ARHGAP33: variants seen among roughly 807,000 people sequenced by gnomAD.
ARHGAP33 encodes the protein rho GTPase-activating protein 33.
ARHGAP33 carries 57 observed loss-of-function variants against 126.2 expected under a neutral mutation model. The ratio of observed to expected loss-of-function variants is 0.45; its 90% CI spans 0.36 to 0.56. The LOEUF (loss-of-function observed/expected upper bound fraction) is 0.56. Ranked by LOEUF, ARHGAP33 falls within the 20% of genes least tolerant of loss-of-function variation. The pLI, the probability that ARHGAP33 is intolerant of heterozygous loss-of-function variation, is 0.00. For synonymous variants in ARHGAP33, 711 were observed against 755.0 expected, an observed-to-expected ratio of 0.94 and a Z score of 0.95; for missense variants, 1,500 against 1,748.3, an observed-to-expected ratio of 0.86 and a Z score of 2.53.
Position 35,778,527 on chromosome 19 carries a change from C to CG in ARHGAP33, c.336dup (p.Cys113ValfsTer4). The CG allele has an allele frequency of 6.2e-7, 1 of 1,614,204 alleles. No homozygotes were observed. The highest frequency in any genetic ancestry group is 8.5e-7 in the Non-Finnish European group (1 of 1,180,038). On this transcript the variant is annotated frameshift_variant, in exon 5 of 21. Transcript: ENST00000007510. LOFTEE classifies it high-confidence loss of function. ...TCGTTCCCTGGATGCCCACCTCCACCGGTGCATATTTGACCGGAGGTTCTC... is the reference window on the plus strand; with the variant it reads ...TCGTTCCCTGGATGCCCACCTCCACCGGGTGCATATTTGACCGGAGGTTCTC...
At position 35,775,736 on chromosome 19, in the gene ARHGAP33, C is replaced by T. The variant is rs1255897491; in HGVS notation, c.6+72C>T. ...TGTCCGTGCGCAGCCCCGCCCCGCG[C>T]GCCCCGCCCCCGGCCCCGCCCGATC... On this transcript the variant is annotated intron_variant, in intron 1 of 20. Transcript: ENST00000007510. The T allele has an allele frequency of 3.5e-6, 5 of 1,410,146 alleles. No individual in the cohort carries two copies. In the South Asian group the frequency reaches 5.5e-5, roughly 15 times the overall value. 87.4% of individuals were successfully genotyped at this position (1,410,146 alleles called of 1,614,324 possible).
At chr19:35,784,885 C>T (rs1436943205) in intron 16 of ARHGAP33, 68 bp from the exon 17 acceptor site, 17 of 1,459,112 alleles carry the variant, frequency 1.2e-5, no homozygotes, top group Non-Finnish European at 1.3e-5. Context: ...TGGGCTGTGG[C>T]GCTTGGCTTT....
chr19:35,781,311 AG>A, intron 12 of ARHGAP33, 59 bp downstream of exon 12: 1 of 1,539,016 alleles, frequency 6.5e-7, no homozygotes. Context: ...CCTCCACTCC[AG>A]CCCCGTGCTG....
At position 35,785,693 on chromosome 19, in the gene ARHGAP33, T is replaced by C. The variant is rs1173999216; in HGVS notation, c.1942+210T>C. 1.1e-5 allele frequency: 15 copies of C among 1,415,550 alleles called. No homozygotes were observed. In the African/African-American group the frequency reaches 1.6e-4, roughly 15 times the overall value. The allele number at this position is 1,415,550 out of a possible 1,614,324, so 87.7% of individuals were successfully genotyped here. A position where few individuals can be genotyped will look rare whatever the true frequency, so the allele number is the denominator to read the frequency against. ...TGAACTTAACTTACTCATTGGTCCATGACGGGCCCTTTAAAAGTCTTTATT... is the reference window on the plus strand; with the variant it reads ...TGAACTTAACTTACTCATTGGTCCACGACGGGCCCTTTAAAAGTCTTTATT... On this transcript the variant is annotated intron_variant, in intron 19 of 20. Transcript: ENST00000007510.
chr19:35,784,667 C>T (rs933242678), intron 16 of ARHGAP33: 2 of 1,300,878 alleles, frequency 1.5e-6, no homozygotes, highest in Admixed American at 4.0e-5. Context: ...GACCCCAGCC[C>T]AGTCAGGACT....
chr19:35,776,850 G>A (rs1314826342), intron 1 of ARHGAP33, among the ~76,000 whole-genome samples: 1 of 152,222 alleles, frequency 6.6e-6, no homozygotes, highest in Non-Finnish European at 1.5e-5. Flanking sequence ...TCAGGGGATG[G>A]AGAGAGTCCA....
At position 35,780,943 on chromosome 19, in the gene ARHGAP33, C is replaced by T. The variant is rs745401492; in HGVS notation, c.853C>T (p.Leu285=). The change falls in exon 11 of 21, where the codon CTG becomes TTG. Residue 285 remains leucine, a synonymous_variant. Transcript: ENST00000007510. ...AGCTGTGCCACGGCCTCGTGGGAAGCTGGCCGGCCTGCTCCGCACCTTCAT... is the reference window on the plus strand; with the variant it reads ...AGCTGTGCCACGGCCTCGTGGGAAGTTGGCCGGCCTGCTCCGCACCTTCAT... ...TSAVPRPRGK[L]AGLLRTFMRS... 2 of 1,609,356 alleles carry T rather than the reference C, an allele frequency of 1.2e-6. No homozygotes were observed. Among genetic ancestry groups the T allele is most frequent in the African/African-American group, 2.7e-5 (2 of 74,944 alleles).
Position 35,775,566 on chromosome 19 carries a change from C to G in ARHGAP33, c.-93C>G. The G allele has an allele frequency of 1.4e-6, 2 of 1,385,654 alleles. No individual in the cohort carries two copies. The highest frequency in any genetic ancestry group is 9.3e-7 in the Non-Finnish European group (1 of 1,070,036). 85.8% of individuals were successfully genotyped at this position (1,385,654 alleles called of 1,614,324 possible). On this transcript the variant is annotated 5_prime_UTR_variant, in exon 1 of 21. Transcript: ENST00000007510. Reference sequence around the variant, plus strand: ...GCAGCCGCCCGCGCGCGGCTCGCGCCCTCCCCTTTGTGTCGCCATGGCGGC... The same window carrying G: ...GCAGCCGCCCGCGCGCGGCTCGCGCGCTCCCCTTTGTGTCGCCATGGCGGC...
rs1341042287 is a variant in ARHGAP33, at chr19:35,782,931, G to A, written c.1421+62G>A. ...TTCCCCAAAACCACCCCAGGAACCC[G>A]CCCAGCTTTTCTTTTGTTTATTCAT... On this transcript the variant is annotated intron_variant, in intron 15 of 20. Transcript: ENST00000007510. This position sits in a 1 kb window ranked among gnomAD's most constrained non-coding sequence, Gnocchi z 4.1. The A allele has an allele frequency of 3.5e-6, 5 of 1,420,192 alleles. No individual in the cohort carries two copies. Among genetic ancestry groups the A allele is most frequent in the East Asian group, 4.9e-5 (2 of 40,436 alleles). The allele number at this position is 1,420,192 out of a possible 1,614,324, so 88.0% of individuals were successfully genotyped here. A position where few individuals can be genotyped will look rare whatever the true frequency, so the allele number is the denominator to read the frequency against.
Position 35,786,142 on chromosome 19 carries a change from C to G in ARHGAP33, c.1943-271C>G, listed in dbSNP as rs1972099826. ...TCCTGGGGTACTGCCCTCCCACATA[C>G]CCAGGAGCCCAGGTGCTGTCCTGCT... On this transcript the variant is annotated intron_variant, in intron 19 of 20. Coordinates refer to ENST00000007510, the MANE Select transcript of ARHGAP33 (RefSeq NM_001366178.1). The surrounding 1 kb of genome is among the most constrained non-coding windows in gnomAD (Gnocchi z 7.0). The G allele has an allele frequency of 7.4e-7, 1 of 1,346,092 alleles. No individual in the cohort carries two copies. The highest frequency in any genetic ancestry group is 9.5e-7 in the Non-Finnish European group (1 of 1,051,886). The allele number at this position is 1,346,092 out of a possible 1,614,324, so 83.4% of individuals were successfully genotyped here.
chr19:35,785,692 A>G (rs932109377), intron 19 of ARHGAP33: 1 of 1,416,116 alleles, frequency 7.1e-7, no homozygotes, highest in Non-Finnish European at 9.2e-7. Context: ...TCATTGGTCC[A>G]TGACGGGCCC....
rs779286926 is a variant in ARHGAP33, at chr19:35,787,888, G to A, written c.3323G>A (p.Arg1108His). Residue 1108 changes from arginine to histidine, a missense_variant, in exon 21 of 21, where the codon CGC becomes CAC. Physicochemically the swap from Arg to His is conservative, Grantham distance 29. Around this residue, in one of 6 missense-constraint regions of ARHGAP33, gnomAD observed 642 missense variants for 634.0 expected, o/e 1.01. Transcript: ENST00000007510. ...CCCACCCGCTCCTGGAGTCCCTTTC[G>A]CTCCATGCCCCCCGACAGGCTCAAT... is the stretch of plus-strand genomic sequence containing the variant. ...SGPTRSWSPF[R>H]SMPPDRLNAS... 4.4e-6 allele frequency: 7 copies of A among 1,607,836 alleles called. No individual in the cohort carries two copies. The highest frequency in any genetic ancestry group is 2.2e-5 in the South Asian group (2 of 90,714).
rs920746591 is a variant in ARHGAP33 at position 35,786,525 on chromosome 19, G to T, written c.2055G>T (p.Glu685Asp). 3 of 1,536,020 alleles carry T rather than the reference G, an allele frequency of 2.0e-6. No individual in the cohort carries two copies. Among genetic ancestry groups the T allele is most frequent in the Admixed American group, 3.9e-5 (2 of 50,968 alleles). ...GCCTGTCCTCGTCCTCCTCCTCCGA[G>T]TCCTCCTCCTCTGAGTCCTCCTCTT... ...CESLSSSSSS[E>D]SSSSESSSSS... Residue 685 changes from glutamate (E) to aspartate (D), a missense_variant, in exon 20 of 21, where the codon GAG becomes GAT. Transcript: ENST00000007510. The surrounding 1 kb of genome is among the most constrained non-coding windows in gnomAD (Gnocchi z 7.0).
chr19:35,788,563 G>GAGATTA lies in ARHGAP33; in HGVS notation c.*134_*135insAGATTA, dbSNP rs1972248764. The GAGATTA allele has an allele frequency of 2.6e-6, 2 of 775,332 alleles. No homozygotes were observed. Among genetic ancestry groups the GAGATTA allele is most frequent in the Admixed American group, 3.4e-5 (1 of 29,422 alleles). The allele number at this position is 775,332 out of a possible 1,614,324, so 48.0% of individuals were successfully genotyped here. On this transcript the variant is annotated 3_prime_UTR_variant, in exon 21 of 21. Coordinates refer to ENST00000007510, the MANE Select transcript of ARHGAP33 (RefSeq NM_001366178.1). Reference sequence around the variant, plus strand: ...TCTAACTTTGTAACTTGCTTCTGATGTGGGTCCCTAACCTATAATCTCAGC... The same window carrying GAGATTA: ...TCTAACTTTGTAACTTGCTTCTGATGAGATTATGGGTCCCTAACCTATAATCTCAGC...
At position 35,778,562 on chromosome 19, in the gene ARHGAP33, G is replaced by T; in HGVS notation, c.369G>T (p.Pro123=). The part of the protein sequence containing the change: ...CIFDRRFSCL[P]ELPPPPEGAR... The stretch of plus-strand genomic sequence containing the variant: ...TTGACCGGAGGTTCTCCTGCCTTCC[G>T]GAGCTTCCCCCGCCCCCCGAGGGTG... The change falls in exon 5 of 21, where the codon CCG becomes CCT. Residue 123 remains proline (P), a synonymous_variant. Transcript: ENST00000007510. 6.2e-7 allele frequency: 1 copy of T among 1,614,088 alleles called. No individual in the cohort carries two copies. Among genetic ancestry groups the T allele is most frequent in the Non-Finnish European group, 8.5e-7 (1 of 1,180,012 alleles).
rs1972237167 is a variant in ARHGAP33 at position 35,788,305 on chromosome 19, A to C, written c.3740A>C (p.Glu1247Ala). ...CCGCCAGCCTACGGAAGGGGGGGCG[A>C]GCTCCACCGAGGGTCCTTGTACAGA... ...AAPPAYGRGG[E>A]LHRGSLYRNG... Residue 1247 changes from glutamate to alanine, a missense_variant, in exon 21 of 21, where the codon GAG becomes GCG. Glu to Ala is a moderately radical substitution (Grantham distance 107, BLOSUM62 -1). Transcript: ENST00000007510. The C allele has an allele frequency of 2.5e-6, 4 of 1,607,526 alleles. No homozygotes were observed. The highest frequency in any genetic ancestry group is 3.4e-6 in the Non-Finnish European group (4 of 1,178,164).
chr19:35,783,845 C>A (rs537158966), intron 15 of ARHGAP33, among the ~76,000 whole-genome samples: 1 of 145,732 alleles, frequency 6.9e-6, no homozygotes, highest in African/African-American at 2.6e-5. Context: ...CGGAAGGAGG[C>A]TCTGGGATGT....
In ARHGAP33 at chr19:35,788,279, C is replaced by A. The variant is rs1363914849; in HGVS notation, c.3714C>A (p.Ala1238=). ...PPEPLLLYRA[A]PPAYGRGGEL... ...AGCCTCTCCTGCTCTACAGGGCAGCCCCGCCAGCCTACGGAAGGGGGGGCG... is the reference window on the plus strand; with the variant it reads ...AGCCTCTCCTGCTCTACAGGGCAGCACCGCCAGCCTACGGAAGGGGGGGCG... The change falls in exon 21 of 21, where the codon GCC becomes GCA. Residue 1238 remains alanine (A), a synonymous_variant. Coordinates refer to ENST00000007510, the MANE Select transcript of ARHGAP33 (RefSeq NM_001366178.1). 2.0e-5 allele frequency: 32 copies of A among 1,610,048 alleles called. No individual in the cohort carries two copies. The highest frequency in any genetic ancestry group is 2.6e-5 in the Non-Finnish European group (31 of 1,178,934).
chr19:35,779,424 C>T (rs1428379935), intron 6 of ARHGAP33, among the ~76,000 whole-genome samples: 1 of 152,012 alleles, frequency 6.6e-6, no homozygotes, highest in Non-Finnish European at 1.5e-5. Context: ...TGGCTTAAAC[C>T]AGAGGGGTTT....
Sources: gnomAD v4.1 joint callset for allele counts (sites outside exome capture counted in the v4.1 genomes callset) on GRCh38, gnomAD v4.1.1 for gene constraint, gnomAD v4.1.1 regional missense constraint, Gnocchi (gnomAD v3.1) non-coding constraint, MANE v1.5 for transcripts, NCBI Gene and HGNC (gene_info 2026-07-23, HGNC 2026-07-21) for gene names.